Variants in TOX2 observed in about 807,000 individuals in gnomAD.
TOX2 encodes TOX high mobility group box family member 2.
Under a neutral mutation model 47.4 loss-of-function variants are expected in TOX2, and 15 were observed. The ratio of observed to expected loss-of-function variants is 0.32; its 90% CI spans 0.21 to 0.49. The LOEUF is 0.49. Among genes scored for constraint, TOX2 ranks in the 20% least tolerant of loss-of-function variants. The probability of loss-of-function intolerance (pLI) is 0.99; values close to 1 mark genes in which losing one functional copy is unlikely to be tolerated. For missense variants in TOX2, 622 were observed against 673.1 expected (o/e 0.92, Z 0.84); for synonymous variants, 290 against 296.6 (o/e 0.98, Z 0.23).
In TOX2 at chr20:44,044,366, G is replaced by A. The variant is rs138609413; in HGVS notation, c.412-6940G>A. ...GGTGCAGCACACCAACAAGGCACAT[G>A]TATACATATGTAACAAACCTGCATG... is the stretch of plus-strand genomic sequence containing the variant. On this transcript the variant is annotated intron_variant, in intron 3 of 8. Coordinates refer to ENST00000341197, the MANE Select transcript of TOX2 (RefSeq NM_001098797.2). Among the ~76,000 whole-genome samples the A allele has an allele frequency of 3.8e-3, 570 of 151,038 alleles. 2 individuals carry two copies. Among genetic ancestry groups the A allele is most frequent in the African/African-American group, 0.013 (528 of 40,972 alleles).
chr20:44,063,628 T>C (rs73277115), intron 5 of TOX2, among the ~76,000 whole-genome samples: 7,890 of 152,024 alleles, frequency 0.052, 540 homozygotes, highest in African/African-American at 0.15. Flanking sequence ...GAGAAGAAAT[T>C]TTACAAAAAA....
chr20:43,935,088 G>T (rs1024795732), intron 1 of TOX2, among the ~76,000 whole-genome samples: 1 of 152,098 alleles, frequency 6.6e-6, no homozygotes. Context: ...CTGTGCACTG[G>T]TGCCTTGGGG....
intron 3 of TOX2, among the ~76,000 whole-genome samples, chr20:44,032,731 T>A (rs75516788): frequency 0.013 from 1,907 of 152,296 alleles, 50 homozygotes; most frequent in African/African-American, 0.044. Context: ...CATCCCAACC[T>A]GAACAGAAAC....
In TOX2 at chr20:44,056,349, G is replaced by A. The variant is rs1178016991; in HGVS notation, c.879+1823G>A. 5.3e-5 allele frequency among the ~76,000 whole-genome samples: 8 copies of A among 152,210 alleles called. No homozygotes were observed. In the East Asian group the frequency reaches 1.5e-3, roughly 29 times the overall value. Reference sequence around the variant, plus strand: ...CAGGGCACTGTGGCTTTTGCTATAGGGACGTCTGTCATTTTCACTTGTGTG... The same window carrying A: ...CAGGGCACTGTGGCTTTTGCTATAGAGACGTCTGTCATTTTCACTTGTGTG... On this transcript the variant is annotated intron_variant, in intron 5 of 8. Transcript: ENST00000341197.
chr20:43,937,324 C>T (rs770608624), intron 1 of TOX2, among the ~76,000 whole-genome samples: 1 of 152,130 alleles, frequency 6.6e-6, no homozygotes, highest in Admixed American at 6.6e-5. Flanking sequence ...TGAGCATTTC[C>T]GTGCGATGCA....
intron 1 of TOX2, among the ~76,000 whole-genome samples, chr20:43,968,647 C>G (rs562457399): frequency 5.3e-5 from 8 of 152,324 alleles, no homozygotes; most frequent in African/African-American, 1.9e-4. Flanking sequence ...GATTCCAAAA[C>G]TCATTTCCAT....
Position 44,026,238 on chromosome 20 carries a change from T to TATAG in TOX2, c.411+19449_411+19450insGATA, listed in dbSNP as rs1569109112. The stretch of plus-strand genomic sequence containing the variant: ...GGATAAAGAAACTGTGATATATATA[T>TATAG]ATATATATATAGACACACACACACA... On this transcript the variant is annotated intron_variant, in intron 3 of 8. Coordinates refer to ENST00000341197, the MANE Select transcript of TOX2 (RefSeq NM_001098797.2). 5.0e-5 allele frequency among the ~76,000 whole-genome samples: 5 copies of TATAG among 100,458 alleles called. 1 individual carries two copies. The highest frequency in any genetic ancestry group is 8.6e-5 in the Admixed American group (1 of 11,626). The allele number at this position is 100,458 out of a possible 152,430, so 65.9% of individuals were successfully genotyped here.
At chr20:44,038,028 G>A (rs1278773229) in intron 3 of TOX2, among the ~76,000 whole-genome samples, 5 of 152,150 alleles carry the variant, frequency 3.3e-5, no homozygotes. Flanking sequence ...GGTCTCAAAT[G>A]GAGATGAGGA....
intron 5 of TOX2, 69 bp from the exon 6 acceptor site, chr20:44,064,708 C>T: frequency 6.7e-7 from 1 of 1,481,906 alleles, no homozygotes; most frequent in Non-Finnish European, 9.4e-7. Context: ...GCCTTCCCAC[C>T]CCAGGACCCT....
Position 44,066,841 on chromosome 20 carries a change from G to T in TOX2, c.1468G>T (p.Gly490Cys). The change falls in exon 8 of 9, where the codon GGC (glycine) becomes TGC (cysteine). Residue 490 changes from glycine (G) to cysteine (C), a missense_variant. Gly to Cys is a radical substitution (Grantham distance 159, BLOSUM62 -3). This residue lies in a region of TOX2 where 294 missense variants were observed against 300.0 expected (regional missense o/e 0.98). Transcript: ENST00000341197. ...WDSSYPSGEC[G>C]ISTCSLLPRD... ...CAGCAGCTACCCCAGTGGGGAGTGT[G>T]GCATCAGCACCTGCAGGTTAGTCCT... 6.2e-7 allele frequency: 1 copy of T among 1,613,970 alleles called. No individual in the cohort carries two copies. The highest frequency in any genetic ancestry group is 2.2e-5 in the East Asian group (1 of 44,876).
chr20:44,042,130 A>G (rs1286139558), intron 3 of TOX2, among the ~76,000 whole-genome samples: 2 of 152,232 alleles, frequency 1.3e-5, no homozygotes. Flanking sequence ...ATCATGGCGG[A>G]AGGCAAAAGA....
chr20:43,921,473 A>G (rs1040070942), intron 1 of TOX2, among the ~76,000 whole-genome samples: 6 of 152,268 alleles, frequency 3.9e-5, no homozygotes, highest in Admixed American at 3.3e-4. Context: ...GGGGACATTG[A>G]CATCTCCCCT....
intron 3 of TOX2, among the ~76,000 whole-genome samples, chr20:44,039,961 G>T (rs998134433): frequency 2.6e-5 from 4 of 152,220 alleles, no homozygotes; most frequent in East Asian, 1.9e-4. Context: ...GGGCCGGGGG[G>T]CAGGGTCTCC....
At chr20:43,919,111 C>A (rs538814906) in intron 1 of TOX2, among the ~76,000 whole-genome samples, 1 of 152,348 alleles carries the variant, frequency 6.6e-6, no homozygotes, top group African/African-American at 2.4e-5. Flanking sequence ...AGCCAGCAAA[C>A]TTCTCTTTCT....
At chr20:43,987,150 T>C (rs1232210064) in intron 2 of TOX2, among the ~76,000 whole-genome samples, 1 of 152,326 alleles carries the variant, frequency 6.6e-6, no homozygotes, top group Non-Finnish European at 1.5e-5. Flanking sequence ...GGATACATGA[T>C]TCTGAAATAT....
intron 1 of TOX2, among the ~76,000 whole-genome samples, chr20:43,921,511 A>G (rs1404917152): frequency 6.6e-6 from 1 of 152,184 alleles, no homozygotes. Flanking sequence ...GAGACCATGT[A>G]TGTGTAGCAC....
intron 3 of TOX2, among the ~76,000 whole-genome samples, chr20:44,017,443 G>T (rs1018219683): frequency 6.6e-6 from 1 of 152,128 alleles, no homozygotes; most frequent in African/African-American, 2.4e-5. Context: ...CCACCTCTGT[G>T]CCAGGCGAGA....
intron 3 of TOX2, among the ~76,000 whole-genome samples, chr20:44,024,004 T>C (rs1449227109): frequency 6.6e-6 from 1 of 152,196 alleles, no homozygotes; most frequent in South Asian, 2.1e-4. Context: ...TTTTATAAGA[T>C]AGCTTTATCA....
intron 2 of TOX2, among the ~76,000 whole-genome samples, chr20:43,982,570 C>T (rs1053725064): frequency 6.6e-6 from 1 of 151,896 alleles, no homozygotes; most frequent in African/African-American, 2.4e-5. Flanking sequence ...AGTGAGCAGG[C>T]CATGGCATTG....
Sources: gnomAD v4.1 joint callset for allele counts (sites outside exome capture counted in the v4.1 genomes callset) on GRCh38, gnomAD v4.1.1 for gene constraint, gnomAD v4.1.1 regional missense constraint, MANE v1.5 for transcripts, NCBI Gene and HGNC (gene_info 2026-07-23, HGNC 2026-07-21) for gene names.